PHF23: variants seen among roughly 807,000 people sequenced by gnomAD.
The protein encoded by PHF23 is PDH-containing protein JUNE-1.
In PHF23, 3 loss-of-function variants were observed where a neutral mutation model predicts 36.0. The observed-to-expected ratio is 0.08, with a 90% CI of 0.04 to 0.22. PHF23 has a LOEUF of 0.22. Among genes scored for constraint, PHF23 ranks in the 10% least tolerant of loss-of-function variants. PHF23 has a pLI of 1.00. For missense variants in PHF23, 475 were observed against 513.6 expected (o/e 0.92, Z 0.73); for synonymous variants, 242 against 192.5 (o/e 1.26, Z -2.13).
chr17:7,236,804 C>T lies in PHF23; in HGVS notation c.160-37G>A. 6.4e-7 allele frequency: 1 copy of T among 1,568,792 alleles called. No individual in the cohort carries two copies. Among genetic ancestry groups the T allele is most frequent in the South Asian group, 1.2e-5 (1 of 84,470 alleles). On this transcript the variant is annotated intron_variant, in intron 3 of 4. Coordinates refer to ENST00000320316, the MANE Select transcript of PHF23 (RefSeq NM_024297.3). The surrounding 1 kb of genome is among the most constrained non-coding windows in gnomAD (Gnocchi z 5.1). Reference sequence around the variant, plus strand: ...GAAGAGACCAGGGTCAGCAGAACCCCAGTGTCATCTCAGCCCCTCCACAAA... The same window carrying T: ...GAAGAGACCAGGGTCAGCAGAACCCTAGTGTCATCTCAGCCCCTCCACAAA...
At chr17:7,239,533 C>T (rs1335242240), upstream of PHF23, 4 of 381,664 alleles carry the variant, frequency 1.0e-5, no homozygotes, top group Non-Finnish European at 1.9e-5. Flanking sequence ...CTCTCTCCTC[C>T]CTCCCTCCTC....
chr17:7,237,770 G>A lies in PHF23; in HGVS notation c.35-110C>T, dbSNP rs550747901. The A allele has an allele frequency of 9.3e-6, 12 of 1,295,544 alleles. No individual in the cohort carries two copies. In the East Asian group the frequency reaches 2.9e-4, roughly 31 times the overall value. 80.3% of individuals were successfully genotyped at this position (1,295,544 alleles called of 1,614,324 possible). On this transcript the variant is annotated intron_variant, in intron 1 of 4. Coordinates refer to ENST00000320316, the MANE Select transcript of PHF23 (RefSeq NM_024297.3). ...ACCCCCTGCTCTCCCAGGTCCCTCT[G>A]CCAGGCCAGCAGGCCCCCAGCTGTG...
chr17:7,237,963 C>T, intron 1 of PHF23: 1 of 389,822 alleles, frequency 2.6e-6, no homozygotes, highest in Admixed American at 4.3e-5. Context: ...CCCTCAGCGC[C>T]CCACCCCACC....
Position 7,237,540 on chromosome 17 carries a change from AAC to A in PHF23, c.67-65_67-64del, listed in dbSNP as rs1184049812. ...ACAGTTTAAGAATGGCATTCCCAGA[AAC>A]ACAGTCCCTAAGTGAGGTCTAGAAA... On this transcript the variant is annotated intron_variant, in intron 2 of 4. Transcript: ENST00000320316. 12 of 1,587,696 alleles carry A rather than the reference AAC, an allele frequency of 7.6e-6. No individual in the cohort carries two copies. The South Asian group carries it at 9.9e-5, about 13-fold the overall frequency.
chr17:7,235,891 A>G lies in PHF23; in HGVS notation c.997+39T>C, dbSNP rs371971582. 103 of 1,612,972 alleles carry G rather than the reference A, an allele frequency of 6.4e-5. No homozygotes were observed. In the African/African-American group the frequency reaches 1.3e-3, roughly 20 times the overall value. ...ATTCTGCCTGAGCTGTTGGATCCAC[A>G]ACACCCTCAAACCCCTCGCCCCAGC... On this transcript the variant is annotated intron_variant, in intron 4 of 4. Transcript: ENST00000320316.
At position 7,237,491 on chromosome 17, in the gene PHF23, G is replaced by C; in HGVS notation, c.67-14C>G. The C allele has an allele frequency of 6.2e-7, 1 of 1,612,356 alleles. No homozygotes were observed. The highest frequency in any genetic ancestry group is 8.5e-7 in the Non-Finnish European group (1 of 1,178,486). On this transcript the variant is annotated splice_polypyrimidine_tract_variant and intron_variant, in intron 2 of 4. Transcript: ENST00000320316. ...TTTCTCTGGTGGCTGAAAGGAAGGAGATATGGATCACATGCAAAGCCACAC... is the reference window on the plus strand; with the variant it reads ...TTTCTCTGGTGGCTGAAAGGAAGGACATATGGATCACATGCAAAGCCACAC...
rs977003120 is a variant in PHF23, at chr17:7,236,566, C to T, written c.361G>A (p.Ala121Thr). 18 of 1,614,032 alleles carry T rather than the reference C, an allele frequency of 1.1e-5. 1 individual carries two copies. In the African/African-American group the frequency reaches 1.6e-4, roughly 14 times the overall value. Reference protein sequence around the residue: ...PPRSTFSRLQAPDSATLLEKM... With the variant: ...PPRSTFSRLQTPDSATLLEKM... ...TCAAGCAAGGTAGCACTGTCGGGGG[C>T]CTGCAGACGAGAGAAAGTGGACCTT... The change falls in exon 4 of 5, where the codon GCC (alanine) becomes ACC (threonine). Residue 121 changes from alanine (A) to threonine (T), a missense_variant. Around this residue, in one of 5 missense-constraint regions of PHF23, gnomAD observed 350 missense variants for 319.8 expected, o/e 1.09. Transcript: ENST00000320316. The surrounding 1 kb of genome is among the most constrained non-coding windows in gnomAD (Gnocchi z 5.1).
intron 3 of PHF23, 48 bp downstream of exon 3, chr17:7,237,337 T>G (rs928228564): frequency 3.5e-5 from 52 of 1,473,720 alleles, no homozygotes; most frequent in Non-Finnish European, 4.8e-5. Context: ...ACAGTCACTC[T>G]ATAGTCCCAC....
At chr17:7,237,294 C>T in intron 3 of PHF23, 91 bp downstream of exon 3, 2 of 1,140,050 alleles carry the variant, frequency 1.8e-6, no homozygotes, top group Non-Finnish European at 2.6e-6. Context: ...CTAAGGGCCT[C>T]CTTCTATAAA....
chr17:7,239,815 T>C (rs1177418132), upstream of PHF23: 1 of 152,474 alleles, frequency 6.6e-6, no homozygotes, highest in Non-Finnish European at 1.5e-5. Flanking sequence ...GGATTAGAAC[T>C]CTCGGCCACC....
At chr17:7,240,819 G>A (rs749382569), upstream of PHF23, 8 of 1,483,384 alleles carry the variant, frequency 5.4e-6, no homozygotes, top group Non-Finnish European at 7.5e-6. Flanking sequence ...TCTCTTTGTA[G>A]AATGAGACCC....
At chr17:7,238,018 G>T in intron 1 of PHF23, 1 of 196,844 alleles carries the variant, frequency 5.1e-6, no homozygotes, top group Non-Finnish European at 9.0e-6. Flanking sequence ...AGCCGCCCCC[G>T]TCCTTCACAC....
In PHF23 at chr17:7,235,588, T is replaced by A; in HGVS notation, c.*38A>T. On this transcript the variant is annotated 3_prime_UTR_variant, in exon 5 of 5. Coordinates refer to ENST00000320316, the MANE Select transcript of PHF23 (RefSeq NM_024297.3). Reference sequence around the variant, plus strand: ...ACCCTGAGGCTCAGTTCCCAAATCATGTTGTCATTTGGAAGTTCCAGGCTA... The same window carrying A: ...ACCCTGAGGCTCAGTTCCCAAATCAAGTTGTCATTTGGAAGTTCCAGGCTA... 1 of 1,595,994 alleles carries A rather than the reference T, an allele frequency of 6.3e-7. No homozygotes were observed. The highest frequency in any genetic ancestry group is 8.5e-7 in the Non-Finnish European group (1 of 1,170,244).
At chr17:7,238,950 G>GT (rs2071739348) in intron 1 of PHF23, 1 of 1,498,278 alleles carries the variant, frequency 6.7e-7, no homozygotes, top group African/African-American at 1.4e-5. Flanking sequence ...TAACCTTCCA[G>GT]TTCCAGGGCC....
chr17:7,235,227 C>T lies in PHF23; in HGVS notation c.*399G>A, dbSNP rs2071631652. On this transcript the variant is annotated 3_prime_UTR_variant, in exon 5 of 5. Transcript: ENST00000320316. ...GGAAGTCCAAAATTAAAAATACAAC[C>T]GGTGTAGAAGAAAATAAATGGGGAG... The T allele has an allele frequency of 4.3e-6, 1 of 231,528 alleles. No homozygotes were observed. The highest frequency in any genetic ancestry group is 8.8e-6 in the Non-Finnish European group (1 of 114,260). The allele number at this position is 231,528 out of a possible 1,614,324, so 14.3% of individuals were successfully genotyped here.
intron 1 of PHF23, chr17:7,238,876 G>A (rs2071737684): frequency 5.9e-6 from 9 of 1,532,940 alleles, no homozygotes; most frequent in Middle Eastern, 3.3e-4. Flanking sequence ...CGAACTACCG[G>A]GCCCCTCACT....
In PHF23 at chr17:7,236,834, G is replaced by T; in HGVS notation, c.160-67C>A. 1 of 1,527,014 alleles carries T rather than the reference G, an allele frequency of 6.5e-7. No homozygotes were observed. Among genetic ancestry groups the T allele is most frequent in the Non-Finnish European group, 8.7e-7 (1 of 1,144,792 alleles). The allele number at this position is 1,527,014 out of a possible 1,614,324, so 94.6% of individuals were successfully genotyped here. The stretch of plus-strand genomic sequence containing the variant: ...TCATCTCAGCCCCTCCACAAACCCA[G>T]CTTGAAAAGGAGTGACTGGATTTAC... On this transcript the variant is annotated intron_variant, in intron 3 of 4. Transcript: ENST00000320316. The surrounding 1 kb of genome is among the most constrained non-coding windows in gnomAD (Gnocchi z 5.1).
chr17:7,236,477 G>C lies in PHF23; in HGVS notation c.450C>G (p.Ser150=), dbSNP rs1382775527. 3 of 1,613,796 alleles carry C rather than the reference G, an allele frequency of 1.9e-6. No individual in the cohort carries two copies. The highest frequency in any genetic ancestry group is 1.7e-5 in the Admixed American group (1 of 60,002). ...LDGPKVASPL[S]PTSLTHTSRP... is the part of the protein sequence containing the mutation. ...GGGAGGTATGTGTCAGGGATGTGGG[G>C]GACAAAGGAGATGCCACTTTGGGCC... is the stretch of plus-strand genomic sequence containing the variant. Residue 150 remains serine (S), a synonymous_variant, in exon 4 of 5, where the codon TCC becomes TCG. Transcript: ENST00000320316. The surrounding 1 kb of genome is among the most constrained non-coding windows in gnomAD (Gnocchi z 5.1).
intron 1 of PHF23, 88 bp from the exon 2 acceptor site, chr17:7,237,748 C>A (rs2071698942): frequency 6.8e-7 from 1 of 1,467,964 alleles, no homozygotes; most frequent in Admixed American, 1.7e-5. Flanking sequence ...TAAGTGAACC[C>A]CCTGCTCTCC....
Sources: gnomAD v4.1 joint callset for allele counts on GRCh38, gnomAD v4.1.1 for gene constraint, gnomAD v4.1.1 regional missense constraint, Gnocchi (gnomAD v3.1) non-coding constraint, MANE v1.5 for transcripts, NCBI Gene and HGNC (gene_info 2026-07-23, HGNC 2026-07-21) for gene names.